TRIM45: variants seen among roughly 807,000 people sequenced by gnomAD.
TRIM45 encodes the protein E3 ubiquitin-protein ligase TRIM45.
In TRIM45, 45 loss-of-function variants were observed where a neutral mutation model predicts 46.7. The observed-to-expected ratio is 0.96, with a 90% CI of 0.76 to 1.24. The LOEUF is 1.24. Among genes scored for constraint, TRIM45 ranks in the 50% most tolerant of loss-of-function variants. The pLI, the probability that TRIM45 is intolerant of heterozygous loss-of-function variation, is 0.00. For synonymous variants in TRIM45, 259 were observed against 285.8 expected, an observed-to-expected ratio of 0.91 and a Z score of 0.94; for missense variants, 680 against 728.4, an observed-to-expected ratio of 0.93 and a Z score of 0.77.
rs74430292 is a variant in TRIM45, at chr1:117,111,947, TA to T, written c.*357del. The T allele has an allele frequency of 0.014, 1,757 of 121,688 alleles. 30 individuals carry two copies. Among genetic ancestry groups the T allele is most frequent in the African/African-American group, 0.04 (1,276 of 32,124 alleles). The allele number at this position is 121,688 out of a possible 1,614,324, so 7.5% of individuals were successfully genotyped here. On this transcript the variant is annotated 3_prime_UTR_variant, in exon 6 of 6. Transcript: ENST00000256649. ...GGGTGACAGAGTGAGACTCTGTCTT[TA>T]AAAAAAAAAAAAAAAGAAAAAAAAA...
rs1260614871 is a variant in TRIM45, at chr1:117,121,499, G to A, written c.-298C>T. On this transcript the variant is annotated 5_prime_UTR_variant, in exon 1 of 6. Coordinates refer to ENST00000256649, the MANE Select transcript of TRIM45 (RefSeq NM_025188.4). The surrounding 1 kb of genome is among the most constrained non-coding windows in gnomAD (Gnocchi z 4.2). ...GCTTCCAGGTCTAGCTCTCCAGCTAGTCCTGCTGCCAACAAAGTCACCCCT... is the reference window on the plus strand; with the variant it reads ...GCTTCCAGGTCTAGCTCTCCAGCTAATCCTGCTGCCAACAAAGTCACCCCT... 1.1e-5 allele frequency: 6 copies of A among 527,348 alleles called. No homozygotes were observed. The highest frequency in any genetic ancestry group is 2.0e-5 in the African/African-American group (1 of 51,176). 32.7% of individuals were successfully genotyped at this position (527,348 alleles called of 1,614,324 possible).
upstream of TRIM45, chr1:117,122,346 A>G (rs1297091971): frequency 6.6e-6 from 1 of 152,386 alleles, no homozygotes; most frequent in Non-Finnish European, 1.5e-5. Flanking sequence ...GCTGGGTACA[A>G]GCACTCCCGC....
chr1:117,116,839 C>G lies in TRIM45; in HGVS notation c.1223-94G>C. 6.5e-7 allele frequency: 1 copy of G among 1,549,540 alleles called. No homozygotes were observed. Among genetic ancestry groups the G allele is most frequent in the Non-Finnish European group, 8.8e-7 (1 of 1,137,866 alleles). ...TTTCTCTTCAGAACAAAGGGTTGTACTTTACTGTAACCACCCTGGGTCCCT... is the reference window on the plus strand; with the variant it reads ...TTTCTCTTCAGAACAAAGGGTTGTAGTTTACTGTAACCACCCTGGGTCCCT... On this transcript the variant is annotated intron_variant, in intron 2 of 5. Coordinates refer to ENST00000256649, the MANE Select transcript of TRIM45 (RefSeq NM_025188.4). This position sits in a 1 kb window ranked among gnomAD's most constrained non-coding sequence, Gnocchi z 4.6.
chr1:117,121,768 C>T (rs1199645523), upstream of TRIM45: 6 of 705,300 alleles, frequency 8.5e-6, no homozygotes, highest in Non-Finnish European at 1.3e-5. The surrounding 1 kb of genome is among the most constrained non-coding windows in gnomAD (Gnocchi z 4.2). Flanking sequence ...ACACCAATCC[C>T]AGCCCGGTCT....
Position 117,113,485 on chromosome 1 carries a change from C to T in TRIM45, c.1468G>A (p.Gly490Ser). 6.2e-7 allele frequency: 1 copy of T among 1,612,618 alleles called. No homozygotes were observed. The highest frequency in any genetic ancestry group is 2.0e-4 in the Middle Eastern group (1 of 4,980). The stretch of plus-strand genomic sequence containing the variant: ...CTCACCATCACAGTGAATGGCGAGC[C>T]CTGCAGTGTTCAGACCAAAAGCAAT... ...WVCIKEQHVQ[G>S]SPFTVMVRRK... The change falls in exon 5 of 6, where the codon GGC (glycine) becomes AGC (serine). Residue 490 changes from glycine to serine, a missense_variant and splice_region_variant. This residue lies in a region of TRIM45 where 322 missense variants were observed against 359.3 expected (regional missense o/e 0.90). Transcript: ENST00000256649. The surrounding 1 kb of genome is among the most constrained non-coding windows in gnomAD (Gnocchi z 4.0).
chr1:117,113,107 A>C lies in TRIM45; in HGVS notation c.1594+252T>G, dbSNP rs530862843. ...GGGACAGACAAACTGAGAATCCTACATAGAAGCACAGGGCTCATAGGAGCT... is the reference window on the plus strand; with the variant it reads ...GGGACAGACAAACTGAGAATCCTACCTAGAAGCACAGGGCTCATAGGAGCT... On this transcript the variant is annotated intron_variant, in intron 5 of 5. Transcript: ENST00000256649. This position sits in a 1 kb window ranked among gnomAD's most constrained non-coding sequence, Gnocchi z 4.0. Among the ~76,000 whole-genome samples the C allele has an allele frequency of 1.3e-5, 2 of 152,308 alleles. No individual in the cohort carries two copies. The highest frequency in any genetic ancestry group is 3.9e-4 in the East Asian group (2 of 5,180).
Position 117,121,026 on chromosome 1 carries a change from A to G in TRIM45, c.176T>C (p.Phe59Ser). The G allele has an allele frequency of 1.2e-6, 2 of 1,614,178 alleles. No homozygotes were observed. Among genetic ancestry groups the G allele is most frequent in the Non-Finnish European group, 1.7e-6 (2 of 1,180,034 alleles). The change falls in exon 1 of 6, where the codon TTC becomes TCC. Residue 59 changes from phenylalanine to serine, a missense_variant. Phe to Ser is a radical substitution (Grantham distance 155). Around this residue, in one of 3 missense-constraint regions of TRIM45, gnomAD observed 349 missense variants for 343.6 expected, o/e 1.02. Transcript: ENST00000256649. This position sits in a 1 kb window ranked among gnomAD's most constrained non-coding sequence, Gnocchi z 4.2. ...TCCCCCTCGGATGTCCACTACTGAG[A>G]AGGGCTCCAGCTGCTCCAGACACGT... ...CTTCLEQLEPFSVVDIRGGDS... is the reference protein window; with the variant it reads ...CTTCLEQLEPSSVVDIRGGDS...
Position 117,113,011 on chromosome 1 carries a change from T to C in TRIM45, c.1594+348A>G, listed in dbSNP as rs1003969776. Among the ~76,000 whole-genome samples, 7 of 152,182 alleles carry C rather than the reference T, an allele frequency of 4.6e-5. No homozygotes were observed. The highest frequency in any genetic ancestry group is 2.6e-4 in the Admixed American group (4 of 15,276). On this transcript the variant is annotated intron_variant, in intron 5 of 5. Transcript: ENST00000256649. This position sits in a 1 kb window ranked among gnomAD's most constrained non-coding sequence, Gnocchi z 4.0. ...TCCACTCCCCTAGCCATGCCTCATT[T>C]GGAATTTATTTAAGGTTCTAAAAGG... is the stretch of plus-strand genomic sequence containing the variant.
rs142291178 is a variant in TRIM45, at chr1:117,118,381, C to G, written c.875G>C (p.Arg292Pro). The change falls in exon 2 of 6, where the codon CGG becomes CCG. Residue 292 changes from arginine to proline, a missense_variant. Transcript: ENST00000256649. The surrounding 1 kb of genome is among the most constrained non-coding windows in gnomAD (Gnocchi z 5.7). ...TTCCAGCTGCTTCAGCAGCTTGTCC[C>G]GATGCTCCTCAATGGCCTTAATGTA... ...EGYIKAIEEH[R>P]DKLLKQLEDI... 1 of 1,614,198 alleles carries G rather than the reference C, an allele frequency of 6.2e-7. No individual in the cohort carries two copies. The highest frequency in any genetic ancestry group is 8.5e-7 in the Non-Finnish European group (1 of 1,180,038).
chr1:117,116,467 G>T lies in TRIM45; in HGVS notation c.1352+149C>A. 1 of 1,045,110 alleles carries T rather than the reference G, an allele frequency of 9.6e-7. No homozygotes were observed. The highest frequency in any genetic ancestry group is 1.4e-6 in the Non-Finnish European group (1 of 734,626). The allele number at this position is 1,045,110 out of a possible 1,614,324, so 64.7% of individuals were successfully genotyped here. Reference sequence around the variant, plus strand: ...TTGCCCAGGCTGGTCTTGAACTCTTGGGCTTAAGCGATCCTCCTGCCTCCA... The same window carrying T: ...TTGCCCAGGCTGGTCTTGAACTCTTTGGCTTAAGCGATCCTCCTGCCTCCA... On this transcript the variant is annotated intron_variant, in intron 3 of 5. Coordinates refer to ENST00000256649, the MANE Select transcript of TRIM45 (RefSeq NM_025188.4). The surrounding 1 kb of genome is among the most constrained non-coding windows in gnomAD (Gnocchi z 4.6).
chr1:117,119,974 CTG>C (rs950439356), intron 1 of TRIM45, among the ~76,000 whole-genome samples: 1 of 152,162 alleles, frequency 6.6e-6, no homozygotes, highest in Non-Finnish European at 1.5e-5. Flanking sequence ...AATCCTAAAA[CTG>C]TGGTCATTTT....
In TRIM45 at chr1:117,115,809, A is replaced by G. The variant is rs906474013; in HGVS notation, c.1353-120T>C. ...GTATTAATGTTAAATATACCCAAACAGGATGCTTCTTCCATTTGCTTCAGA... is the reference window on the plus strand; with the variant it reads ...GTATTAATGTTAAATATACCCAAACGGGATGCTTCTTCCATTTGCTTCAGA... On this transcript the variant is annotated intron_variant, in intron 3 of 5. Coordinates refer to ENST00000256649, the MANE Select transcript of TRIM45 (RefSeq NM_025188.4). This position sits in a 1 kb window ranked among gnomAD's most constrained non-coding sequence, Gnocchi z 4.2. 1.4e-5 allele frequency: 9 copies of G among 644,064 alleles called. No homozygotes were observed. Among genetic ancestry groups the G allele is most frequent in the African/African-American group, 5.5e-5 (3 of 54,526 alleles). The allele number at this position is 644,064 out of a possible 1,614,324, so 39.9% of individuals were successfully genotyped here.
chr1:117,123,724 G>C (rs757669775), upstream of TRIM45, among the ~76,000 whole-genome samples: 1 of 151,882 alleles, frequency 6.6e-6, no homozygotes, highest in Non-Finnish European at 1.5e-5. Flanking sequence ...CCACCTCCAG[G>C]GTTCAAGCGA....
rs776759834 is a variant in TRIM45, at chr1:117,113,464, C to G, written c.1489G>C (p.Val497Leu). ...HVQGSPFTVM[V>L]RRKHRPHSGV... ...GAGTGTGGGCGGTGCTTTCTCCTCA[C>G]CATCACAGTGAATGGCGAGCCCTGC... Residue 497 changes from valine (V) to leucine (L), a missense_variant, in exon 5 of 6, where the codon GTG becomes CTG. Physicochemically the swap from Val to Leu is conservative, Grantham distance 32. Transcript: ENST00000256649. This position sits in a 1 kb window ranked among gnomAD's most constrained non-coding sequence, Gnocchi z 4.0. 5.0e-6 allele frequency: 8 copies of G among 1,612,778 alleles called. No homozygotes were observed. Among genetic ancestry groups the G allele is most frequent in the Non-Finnish European group, 6.8e-6 (8 of 1,180,016 alleles).
Position 117,118,234 on chromosome 1 carries a change from AAGTCTGAGCCGCT to A in TRIM45, c.1009_1021del (p.Ser337TrpfsTer11). The A allele has an allele frequency of 6.2e-7, 1 of 1,614,088 alleles. No homozygotes were observed. The highest frequency in any genetic ancestry group is 8.5e-7 in the Non-Finnish European group (1 of 1,179,998). On this transcript the variant is annotated frameshift_variant, in exon 2 of 6. Transcript: ENST00000256649. LOFTEE classifies it high-confidence loss of function. This position sits in a 1 kb window ranked among gnomAD's most constrained non-coding sequence, Gnocchi z 5.7. ...CACCCTCTTGGTGATGAGGATCTCC[AAGTCTGAGCCGCT>A]GGTCAGCAAGTGCTCGGTGAACTCC...
chr1:117,115,180 C>T lies in TRIM45; in HGVS notation c.1467+395G>A, dbSNP rs1289657. ...GTCAATTGTGAGGAGGGGGCATAAC[C>T]CTCTCAACTGTGTTCATGTCCAGAC... On this transcript the variant is annotated intron_variant, in intron 4 of 5. Coordinates refer to ENST00000256649, the MANE Select transcript of TRIM45 (RefSeq NM_025188.4). The surrounding 1 kb of genome is among the most constrained non-coding windows in gnomAD (Gnocchi z 4.2). 0.049 allele frequency among the ~76,000 whole-genome samples: 7,430 copies of T among 152,122 alleles called. 212 individuals carry two copies. Among genetic ancestry groups the T allele is most frequent in the South Asian group, 0.075 (361 of 4,808 alleles).
chr1:117,122,460 T>G (rs1423296569), upstream of TRIM45: 1 of 152,304 alleles, frequency 6.6e-6, no homozygotes. Flanking sequence ...ATGGAGGGCT[T>G]ACTTCGGCCG....
rs1392587553 is a variant in TRIM45, at chr1:117,120,794, G to A, written c.408C>T (p.Asp136=). ...LRGEGQGLVC[D]LCNDREVEKR... is the part of the protein sequence containing the mutation. Reference sequence around the variant, plus strand: ...TCTCTACTTCCCTGTCGTTGCACAGGTCACACACCAGGCCCTGGCCTTCCC... The same window carrying A: ...TCTCTACTTCCCTGTCGTTGCACAGATCACACACCAGGCCCTGGCCTTCCC... The change falls in exon 1 of 6, where the codon GAC becomes GAT. Residue 136 remains aspartate (D), a synonymous_variant. Transcript: ENST00000256649. 1.2e-6 allele frequency: 2 copies of A among 1,614,016 alleles called. No homozygotes were observed. Among genetic ancestry groups the A allele is most frequent in the African/African-American group, 2.7e-5 (2 of 74,896 alleles).
rs113838673 is a variant in TRIM45, at chr1:117,111,812, TG to T, written c.*492del. The T allele has an allele frequency of 0.032, 4,675 of 145,742 alleles. 116 individuals carry two copies. Among genetic ancestry groups the T allele is most frequent in the East Asian group, 0.11 (522 of 4,950 alleles). The allele number at this position is 145,742 out of a possible 1,614,324, so 9.0% of individuals were successfully genotyped here. ...AAAATTAGCTGGGTGTGGGGGAAGG[TG>T]GGGGGGAACCTGTAATCCCAGCTAC... On this transcript the variant is annotated 3_prime_UTR_variant, in exon 6 of 6. Coordinates refer to ENST00000256649, the MANE Select transcript of TRIM45 (RefSeq NM_025188.4).
Sources: allele counts gnomAD v4.1 joint callset (sites outside exome capture counted in the v4.1 genomes callset), GRCh38; gene constraint gnomAD v4.1.1; regional missense constraint gnomAD v4.1.1; non-coding constraint Gnocchi (gnomAD v3.1); transcripts MANE v1.5; gene names NCBI Gene and HGNC (gene_info 2026-07-23, HGNC 2026-07-21).